Variants in POMT2 observed in about 807,000 individuals in gnomAD.
POMT2 encodes protein O-mannosyl-transferase 2.
Under a neutral mutation model 100.0 loss-of-function variants are expected in POMT2, and 75 were observed. That is an observed-to-expected ratio of 0.75 (90% CI 0.62 to 0.91). The LOEUF is 0.91. POMT2 is among the 40% of genes least tolerant of loss of function. The pLI is 0.00. For synonymous variants in POMT2, 378 were observed against 374.1 expected, an observed-to-expected ratio of 1.01 and a Z score of -0.12; for missense variants, 940 against 955.1, an observed-to-expected ratio of 0.98 and a Z score of 0.21.
intron 10 of POMT2, 99 bp downstream of exon 10, chr14:77,291,215 A>C (rs1220002678): frequency 2.6e-6 from 3 of 1,164,420 alleles, no homozygotes; most frequent in Non-Finnish European, 3.8e-6. Flanking sequence ...ATGCTCAGCA[A>C]AGCCCATCTC....
Position 77,279,322 on chromosome 14 carries a change from T to G in POMT2, c.1892-453A>C, listed in dbSNP as rs183384596. Reference sequence around the variant, plus strand: ...AAAGGGCCTGTGTGACTGTCTCAGGTGCTGTGGCCCATGGTCTGGCAGCCA... The same window carrying G: ...AAAGGGCCTGTGTGACTGTCTCAGGGGCTGTGGCCCATGGTCTGGCAGCCA... On this transcript the variant is annotated intron_variant, in intron 18 of 20. Transcript: ENST00000261534. The G allele has an allele frequency of 3.3e-5, 12 of 368,266 alleles. No homozygotes were observed. In the East Asian group the frequency reaches 8.6e-4, roughly 26 times the overall value. The allele number at this position is 368,266 out of a possible 1,614,324, so 22.8% of individuals were successfully genotyped here.
At chr14:77,303,760 T>C (rs933685051) in intron 4 of POMT2, among the ~76,000 whole-genome samples, 6 of 152,190 alleles carry the variant, frequency 3.9e-5, no homozygotes, top group Non-Finnish European at 7.3e-5. Flanking sequence ...TTCCATCCCT[T>C]ACACTGCTTT....
rs1323752812 is a variant in POMT2 at position 77,288,758 on chromosome 14, T to C, written c.1253+4A>G. On this transcript the variant is annotated splice_donor_region_variant and intron_variant, in intron 11 of 20. Transcript: ENST00000261534. ...TTATTTATCCAAACTGCAAATTGACTTACTCTTTGTGTTCTAGTCGAATAA... is the reference window on the plus strand; with the variant it reads ...TTATTTATCCAAACTGCAAATTGACCTACTCTTTGTGTTCTAGTCGAATAA... The C allele has an allele frequency of 6.2e-7, 1 of 1,613,290 alleles. No homozygotes were observed. Among genetic ancestry groups the C allele is most frequent in the South Asian group, 1.1e-5 (1 of 91,072 alleles).
chr14:77,280,602 C>G, intron 15 of POMT2, 139 bp from the exon 16 acceptor site: 1 of 1,516,106 alleles, frequency 6.6e-7, no homozygotes, highest in Non-Finnish European at 8.9e-7. Context: ...AGGGAAGAAT[C>G]AGGCAGCTGC....
chr14:77,275,578 GAAGA>G lies in POMT2; in HGVS notation c.*1794_*1797del, dbSNP rs1278684821. The G allele has an allele frequency of 6.6e-6, 1 of 152,364 alleles. No individual in the cohort carries two copies. Among genetic ancestry groups the G allele is most frequent in the East Asian group, 1.9e-4 (1 of 5,192 alleles). 9.4% of individuals were successfully genotyped at this position (152,364 alleles called of 1,614,324 possible). On this transcript the variant is annotated 3_prime_UTR_variant, in exon 21 of 21. Transcript: ENST00000261534. ...CCTGCAGGAGAGCCCACCCGGCTCA[GAAGA>G]AAGCAATTCCGCCTGTGGGGAGGAG...
Position 77,276,961 on chromosome 14 carries a change from C to A in POMT2, c.*415G>T. ...ACAAACCAAAACCAAAGAAATCCAA[C>A]AGAAAAAAATACCAGAAAATATTAC... On this transcript the variant is annotated 3_prime_UTR_variant, in exon 21 of 21. Coordinates refer to ENST00000261534, the MANE Select transcript of POMT2 (RefSeq NM_013382.7). The A allele has an allele frequency of 5.5e-6, 1 of 183,316 alleles. No homozygotes were observed. Among genetic ancestry groups the A allele is most frequent in the Non-Finnish European group, 1.2e-5 (1 of 85,356 alleles). 11.4% of individuals were successfully genotyped at this position (183,316 alleles called of 1,614,324 possible).
Position 77,277,335 on chromosome 14 carries a change from T to C in POMT2, c.*41A>G. ...AGTACTGCTTCCCAGCTGGCTCTCC[T>C]GGGAAGTTCCTGGACCCAGGCTGGA... On this transcript the variant is annotated 3_prime_UTR_variant, in exon 21 of 21. Coordinates refer to ENST00000261534, the MANE Select transcript of POMT2 (RefSeq NM_013382.7). The C allele has an allele frequency of 1.3e-6, 2 of 1,532,698 alleles. No homozygotes were observed. The highest frequency in any genetic ancestry group is 1.8e-6 in the Non-Finnish European group (2 of 1,106,776). 94.9% of individuals were successfully genotyped at this position (1,532,698 alleles called of 1,614,324 possible).
At position 77,279,497 on chromosome 14, in the gene POMT2, G is replaced by A. The variant is rs564557068; in HGVS notation, c.1891+326C>T. 1.6e-5 allele frequency: 8 copies of A among 510,826 alleles called. No individual in the cohort carries two copies. In the East Asian group the frequency reaches 3.7e-4, roughly 24 times the overall value. 31.6% of individuals were successfully genotyped at this position (510,826 alleles called of 1,614,324 possible). ...TGGGGCTAAAAGTGAGGGCTGTGGA[G>A]TCAGATTGCACGGGTTTGAGCCTCA... is the stretch of plus-strand genomic sequence containing the variant. On this transcript the variant is annotated intron_variant, in intron 18 of 20. Transcript: ENST00000261534.
chr14:77,275,846 A>G lies in POMT2; in HGVS notation c.*1530T>C, dbSNP rs1889923910. 1 of 152,524 alleles carries G rather than the reference A, an allele frequency of 6.6e-6. No homozygotes were observed. The highest frequency in any genetic ancestry group is 1.5e-5 in the Non-Finnish European group (1 of 68,072). 9.4% of individuals were successfully genotyped at this position (152,524 alleles called of 1,614,324 possible). The stretch of plus-strand genomic sequence containing the variant: ...CTTTTGACGTTGCTGCATTTCCTCT[A>G]TTAACATTAATGATGGTTGGTCTGA... On this transcript the variant is annotated 3_prime_UTR_variant, in exon 21 of 21. Coordinates refer to ENST00000261534, the MANE Select transcript of POMT2 (RefSeq NM_013382.7).
chr14:77,291,881 A>G (rs1890655622), intron 9 of POMT2, among the ~76,000 whole-genome samples: 1 of 152,152 alleles, frequency 6.6e-6, no homozygotes, highest in African/African-American at 2.4e-5. Context: ...AAAAATACAA[A>G]AATTAGCCGG....
rs778311380 is a variant in POMT2, at chr14:77,280,075, T to G, written c.1731A>C (p.Leu577=). 1.2e-6 allele frequency: 2 copies of G among 1,613,594 alleles called. No homozygotes were observed. Among genetic ancestry groups the G allele is most frequent in the African/African-American group, 1.3e-5 (1 of 74,922 alleles). The change falls in exon 17 of 21, where the codon CTA becomes CTC. Residue 577 remains leucine (L), a synonymous_variant. Coordinates refer to ENST00000261534, the MANE Select transcript of POMT2 (RefSeq NM_013382.7). ...PWHWPINYQG[L]RFSGVNDTDF... is the part of the protein sequence containing the mutation. ...CTGTGTCATTGACCCCTGAGAAGCG[T>G]AGGCCCTGTGGAATAGAGACCACCC... is the stretch of plus-strand genomic sequence containing the variant.
intron 3 of POMT2, 37 bp from the exon 4 acceptor site, chr14:77,304,837 T>C: frequency 6.4e-7 from 1 of 1,557,550 alleles, no homozygotes; most frequent in Non-Finnish European, 8.7e-7. Flanking sequence ...AATAACAAGC[T>C]GAGCTAGGTC....
At chr14:77,304,102 C>T (rs1211645504) in intron 4 of POMT2, among the ~76,000 whole-genome samples, 1 of 152,212 alleles carries the variant, frequency 6.6e-6, no homozygotes, top group Non-Finnish European at 1.5e-5. Context: ...AAGCAAACCC[C>T]TAAAGTACCC....
Position 77,313,447 on chromosome 14 carries a change from C to T in POMT2, c.249-1414G>A, listed in dbSNP as rs141863668. Among the ~76,000 whole-genome samples the T allele has an allele frequency of 7.2e-3, 1,097 of 152,326 alleles. 14 individuals carry two copies. The highest frequency in any genetic ancestry group is 0.024 in the African/African-American group (1,015 of 41,562). ...TCCACCACTAATTAATGGCACAACC[C>T]GCCAAAATCACTTATTCTCTCTAGT... On this transcript the variant is annotated intron_variant, in intron 1 of 20. Transcript: ENST00000261534.
chr14:77,306,722 G>C (rs1891243345), intron 2 of POMT2: 1 of 379,422 alleles, frequency 2.6e-6, no homozygotes, highest in Admixed American at 3.7e-5. Flanking sequence ...CCCACAATTT[G>C]AAGGGTAGAG....
At position 77,276,073 on chromosome 14, in the gene POMT2, T is replaced by G. The variant is rs1171650803; in HGVS notation, c.*1303A>C. ...ATCATTAAATATTGAAGCATCAAAG[T>G]CCTCTGAGACAAAAGAAATATTTTG... On this transcript the variant is annotated 3_prime_UTR_variant, in exon 21 of 21. Coordinates refer to ENST00000261534, the MANE Select transcript of POMT2 (RefSeq NM_013382.7). The G allele has an allele frequency of 6.6e-6, 1 of 152,442 alleles. No homozygotes were observed. The highest frequency in any genetic ancestry group is 2.4e-5 in the African/African-American group (1 of 41,426). 9.4% of individuals were successfully genotyped at this position (152,442 alleles called of 1,614,324 possible).
chr14:77,278,534 G>A (rs1362041356), intron 19 of POMT2, 26 bp from the exon 20 acceptor site: 2 of 1,454,052 alleles, frequency 1.4e-6, no homozygotes, highest in Non-Finnish European at 1.9e-6. Flanking sequence ...GAAACCTGGA[G>A]TCAGCCAGGC....
chr14:77,287,136 TA>T, intron 11 of POMT2: 1 of 376,328 alleles, frequency 2.7e-6, no homozygotes, highest in Non-Finnish European at 5.1e-6. Flanking sequence ...TTGAAGCACT[TA>T]GCTTGCCTGA....
At position 77,309,207 on chromosome 14, in the gene POMT2, C is replaced by T. The variant is rs1310034732; in HGVS notation, c.333+2742G>A. On this transcript the variant is annotated intron_variant, in intron 2 of 20. Coordinates refer to ENST00000261534, the MANE Select transcript of POMT2 (RefSeq NM_013382.7). ...AGAATTCCTAGAGGAATGTAAGAAA[C>T]TATTGACAAAGATGACCGTGGTTAC... Among the ~76,000 whole-genome samples the T allele has an allele frequency of 2.0e-5, 3 of 152,172 alleles. No individual in the cohort carries two copies. In the East Asian group the frequency reaches 5.8e-4, roughly 29 times the overall value.
Sources: allele counts gnomAD v4.1 joint callset (sites outside exome capture counted in the v4.1 genomes callset), GRCh38; gene constraint gnomAD v4.1.1; transcripts MANE v1.5; gene names NCBI Gene and HGNC (gene_info 2026-07-23, HGNC 2026-07-21).